The following TANC1 variants were observed in gnomAD, a reference collection of about 807,000 sequenced individuals.
The protein encoded by TANC1 is protein TANC1.
Under a neutral mutation model 149.7 loss-of-function variants are expected in TANC1, and 77 were observed. That is an observed-to-expected ratio of 0.51 (90% CI 0.43 to 0.62). TANC1 has a LOEUF of 0.62. TANC1 is among the 20% of genes least tolerant of loss of function. TANC1 has a pLI of 0.00. For synonymous variants in TANC1, 854 were observed against 925.0 expected (o/e 0.92, Z 1.39); for missense variants, 1,985 against 2,321.8 (o/e 0.85, Z 2.98).
In TANC1 at chr2:159,230,619, G is replaced by A. The variant is rs369662009; in HGVS notation, c.5193G>A (p.Ala1731=). The change falls in exon 27 of 27, where the codon GCG becomes GCA. Residue 1731 remains alanine, a synonymous_variant. Coordinates refer to ENST00000263635, the MANE Select transcript of TANC1 (RefSeq NM_033394.3). This position sits in a 1 kb window ranked among gnomAD's most constrained non-coding sequence, Gnocchi z 4.4. ...TPFMGIMDKT[A]RFQQQSNPPS... is the part of the protein sequence containing the mutation. The stretch of plus-strand genomic sequence containing the variant: ...TCATGGGCATCATGGATAAGACTGC[G>A]AGGTTCCAACAGCAGAGCAATCCTC... The A allele has an allele frequency of 1.2e-5, 20 of 1,614,066 alleles. No homozygotes were observed. In the African/African-American group the frequency reaches 1.9e-4, roughly 15 times the overall value.
intron 7 of TANC1, among the ~76,000 whole-genome samples, chr2:159,160,693 G>A (rs2053962987): frequency 6.6e-6 from 1 of 152,084 alleles, no homozygotes; most frequent in South Asian, 2.1e-4. Flanking sequence ...GAGTGTCAAT[G>A]GAGTGGCTTC....
rs760684760 is a variant in TANC1, at chr2:159,230,079, T to A, written c.4653T>A (p.Ser1551Arg). ...GSGQSAVRNG[S>R]MKVQISSQNP... The stretch of plus-strand genomic sequence containing the variant: ...GCCAGTCGGCAGTGAGAAATGGCAG[T>A]ATGAAAGTTCAGATCTCTTCTCAGA... Residue 1551 changes from serine (S) to arginine (R), a missense_variant, in exon 27 of 27, where the codon AGT (serine) becomes AGA (arginine). By Grantham distance (110) the Ser-to-Arg change is moderately radical. Coordinates refer to ENST00000263635, the MANE Select transcript of TANC1 (RefSeq NM_033394.3). The surrounding 1 kb of genome is among the most constrained non-coding windows in gnomAD (Gnocchi z 4.4). The A allele has an allele frequency of 5.0e-6, 8 of 1,613,838 alleles. No homozygotes were observed. The highest frequency in any genetic ancestry group is 5.9e-6 in the Non-Finnish European group (7 of 1,180,056).
At chr2:159,202,098 A>G (rs2058289264) in intron 19 of TANC1, among the ~76,000 whole-genome samples, 1 of 152,184 alleles carries the variant, frequency 6.6e-6, no homozygotes, top group South Asian at 2.1e-4. Flanking sequence ...TGCTGATTGG[A>G]AGCATTGGGT....
chr2:159,006,658 C>T (rs528358529), intron 2 of TANC1, among the ~76,000 whole-genome samples: 60 of 152,282 alleles, frequency 3.9e-4, no homozygotes, highest in African/African-American at 1.3e-3. Context: ...TCATCTTTTA[C>T]TCTCTTTTAA....
intron 4 of TANC1, among the ~76,000 whole-genome samples, chr2:159,125,794 G>T (rs915749970): frequency 1.3e-5 from 2 of 152,076 alleles, no homozygotes; most frequent in Non-Finnish European, 2.9e-5. Context: ...CACCATGTTG[G>T]TCAGGCTGGT....
chr2:159,112,856 C>T (rs2047888517), intron 4 of TANC1, among the ~76,000 whole-genome samples: 2 of 151,430 alleles, frequency 1.3e-5, no homozygotes, highest in African/African-American at 4.8e-5. Flanking sequence ...GCTGGGATTA[C>T]AGGTGTAAGC....
At chr2:159,024,720 C>T (rs2039116963) in intron 2 of TANC1, among the ~76,000 whole-genome samples, 1 of 150,446 alleles carries the variant, frequency 6.6e-6, no homozygotes, top group African/African-American at 2.5e-5. Flanking sequence ...CACTGCACTC[C>T]AGCCTGGGTG....
rs1371355191 is a variant in TANC1 at position 159,175,079 on chromosome 2, A to G, written c.1630A>G (p.Lys544Glu). The G allele has an allele frequency of 6.2e-7, 1 of 1,614,188 alleles. No individual in the cohort carries two copies. The highest frequency in any genetic ancestry group is 1.1e-5 in the South Asian group (1 of 91,076). Residue 544 changes from lysine to glutamate, a missense_variant, in exon 12 of 27, where the codon AAG (lysine) becomes GAG (glutamate). This residue lies in a region of TANC1 where 508 missense variants were observed against 714.2 expected (regional missense o/e 0.71). Transcript: ENST00000263635. ...GGCCGCCTACAGAGACCTTCTGATA[A>G]AGGAGCCCCAACTACAGAGCATGCT... ...QLAAYRDLLI[K>E]EPQLQSMLSL...
intron 3 of TANC1, among the ~76,000 whole-genome samples, chr2:159,095,250 T>C (rs2045976634): frequency 6.6e-6 from 1 of 152,046 alleles, no homozygotes; most frequent in South Asian, 2.1e-4. Context: ...CCAGCCCTAG[T>C]GAGTTTTCTG....
intron 2 of TANC1, among the ~76,000 whole-genome samples, chr2:159,038,699 G>A (rs570838503): frequency 2.6e-5 from 4 of 152,258 alleles, no homozygotes; most frequent in Admixed American, 2.0e-4. Flanking sequence ...CAGGGATGAA[G>A]CCCACTTGAT....
intron 2 of TANC1, among the ~76,000 whole-genome samples, chr2:159,065,631 T>C (rs2042586902): frequency 6.8e-6 from 1 of 146,700 alleles, no homozygotes; most frequent in Non-Finnish European, 1.5e-5. Flanking sequence ...ATGCTGAGAA[T>C]GCACTATTGT....
chr2:158,997,735 T>A (rs746014236), intron 1 of TANC1, among the ~76,000 whole-genome samples: 15 of 152,134 alleles, frequency 9.9e-5, no homozygotes, highest in Non-Finnish European at 1.5e-4. Context: ...GTCCAAGATA[T>A]AAAATAAATA....
At position 159,163,620 on chromosome 2, in the gene TANC1, G is replaced by T. The variant is rs1435669339; in HGVS notation, c.946+74G>T. The T allele has an allele frequency of 9.3e-6, 14 of 1,503,872 alleles. No individual in the cohort carries two copies. The East Asian group carries it at 2.7e-4, about 29-fold the overall frequency. 93.2% of individuals were successfully genotyped at this position (1,503,872 alleles called of 1,614,324 possible). On this transcript the variant is annotated intron_variant, in intron 8 of 26. Transcript: ENST00000263635. ...GCCCTGTGTTCACTGTCTTCACATGGGAAGACACTCCAGATACAAGCCAGC... is the reference window on the plus strand; with the variant it reads ...GCCCTGTGTTCACTGTCTTCACATGTGAAGACACTCCAGATACAAGCCAGC...
intron 2 of TANC1, among the ~76,000 whole-genome samples, chr2:159,064,434 ATCTT>A (rs1219891925): frequency 2.0e-5 from 3 of 152,186 alleles, no homozygotes; most frequent in African/African-American, 7.2e-5. Context: ...CTAAGATACT[ATCTT>A]TCTAGTATCA....
intron 4 of TANC1, among the ~76,000 whole-genome samples, chr2:159,133,261 A>G (rs1439693600): frequency 6.6e-6 from 1 of 152,152 alleles, no homozygotes; most frequent in Non-Finnish European, 1.5e-5. Flanking sequence ...AGATGAAGGG[A>G]AAATATGTCA....
At chr2:159,146,310 G>A (rs1432758356) in intron 5 of TANC1, among the ~76,000 whole-genome samples, 1 of 152,220 alleles carries the variant, frequency 6.6e-6, no homozygotes, top group Admixed American at 6.5e-5. Flanking sequence ...TTAAGGGGAT[G>A]ATCACTGGGA....
In TANC1 at chr2:159,097,628, C is replaced by T. The variant is rs767306674; in HGVS notation, c.62-9C>T. ...ATGGTTTAACCTAAGTATTCTCTCT[C>T]TACTCTAGGAAGTGACTTTGGTCCA... On this transcript the variant is annotated splice_polypyrimidine_tract_variant and intron_variant, in intron 3 of 26. Transcript: ENST00000263635. 1.9e-6 allele frequency: 3 copies of T among 1,607,602 alleles called. No individual in the cohort carries two copies. The African/African-American group carries it at 4.0e-5, about 21-fold the overall frequency.
At chr2:159,069,317 A>G (rs1043887188) in intron 3 of TANC1, among the ~76,000 whole-genome samples, 1 of 152,142 alleles carries the variant, frequency 6.6e-6, no homozygotes, top group African/African-American at 2.4e-5. Context: ...AGTTTGGCCT[A>G]AGGGAGCAAA....
intron 25 of TANC1, chr2:159,228,274 G>T (rs2060138053): frequency 5.9e-6 from 2 of 341,478 alleles, no homozygotes; most frequent in Non-Finnish European, 1.1e-5. Flanking sequence ...TGCCGTCCCC[G>T]GATTCAGGAG....
Sources: allele counts gnomAD v4.1 joint callset (sites outside exome capture counted in the v4.1 genomes callset), GRCh38; gene constraint gnomAD v4.1.1; regional missense constraint gnomAD v4.1.1; non-coding constraint Gnocchi (gnomAD v3.1); transcripts MANE v1.5; gene names NCBI Gene and HGNC (gene_info 2026-07-23, HGNC 2026-07-21).